TMEM108: variants seen among roughly 807,000 people sequenced by gnomAD.
TMEM108 encodes transmembrane protein 108.
In TMEM108, 12 loss-of-function variants were observed where a neutral mutation model predicts 35.1. The observed-to-expected ratio is 0.34, with a 90% CI of 0.22 to 0.55. The LOEUF is 0.55. TMEM108 is among the 20% of genes least tolerant of loss of function. TMEM108 has a pLI of 0.89. For missense variants in TMEM108, 680 were observed against 753.3 expected (o/e 0.90, Z 1.14); for synonymous variants, 287 against 308.6 (o/e 0.93, Z 0.73).
At chr3:133,073,460 T>A (rs549947975) in intron 2 of TMEM108, among the ~76,000 whole-genome samples, 1 of 147,208 alleles carries the variant, frequency 6.8e-6, no homozygotes, top group African/African-American at 2.5e-5. Flanking sequence ...TCTTTTTTTT[T>A]TTTTAAGGCT....
chr3:133,262,405 G>C (rs549399182), intron 3 of TMEM108, among the ~76,000 whole-genome samples: 2 of 152,224 alleles, frequency 1.3e-5, no homozygotes, highest in South Asian at 4.1e-4. Context: ...TTGCCCTCTG[G>C]GCAGATTTTC....
At chr3:133,388,886 G>T in intron 4 of TMEM108, 1 of 985,858 alleles carries the variant, frequency 1.0e-6, no homozygotes, top group Non-Finnish European at 1.2e-6. Context: ...CCCTCAGGCT[G>T]CTGCGAACAG....
At chr3:133,383,930 C>T (rs922199346) in intron 4 of TMEM108, among the ~76,000 whole-genome samples, 12 of 152,190 alleles carry the variant, frequency 7.9e-5, no homozygotes, top group Admixed American at 6.5e-4. Flanking sequence ...GCTCCATGTC[C>T]TCAGTCATGG....
At chr3:133,133,826 C>T (rs143116507) in intron 2 of TMEM108, among the ~76,000 whole-genome samples, 2,487 of 151,562 alleles carry the variant, frequency 0.016, 64 homozygotes, top group African/African-American at 0.058. Context: ...TGCAGTGGCG[C>T]GATCTCGGCT....
chr3:133,185,057 T>A (rs1307318938), intron 2 of TMEM108, among the ~76,000 whole-genome samples: 1 of 152,230 alleles, frequency 6.6e-6, no homozygotes, highest in Non-Finnish European at 1.5e-5. Context: ...TTTCTGCTGA[T>A]CATTTTCCAT....
intron 2 of TMEM108, among the ~76,000 whole-genome samples, chr3:133,206,222 C>G (rs905502999): frequency 3.3e-5 from 5 of 152,214 alleles, no homozygotes; most frequent in African/African-American, 1.2e-4. Context: ...AGGTTCTTAG[C>G]TTCCTTGCAT....
At chr3:133,098,004 G>A (rs963050118) in intron 2 of TMEM108, among the ~76,000 whole-genome samples, 18 of 152,284 alleles carry the variant, frequency 1.2e-4, no homozygotes, top group African/African-American at 4.3e-4. Flanking sequence ...AATGAGAATT[G>A]CTCAGCCTGG....
At chr3:133,356,023 G>T (rs1333575839) in intron 3 of TMEM108, among the ~76,000 whole-genome samples, 1 of 152,024 alleles carries the variant, frequency 6.6e-6, no homozygotes, top group African/African-American at 2.4e-5. Flanking sequence ...TGGAAAACAG[G>T]AAATCAAACT....
At chr3:133,210,709 T>G (rs1171421788) in intron 2 of TMEM108, among the ~76,000 whole-genome samples, 1 of 152,252 alleles carries the variant, frequency 6.6e-6, no homozygotes, top group Non-Finnish European at 1.5e-5. Context: ...CGGAATATCA[T>G]GAACTTCACT....
At chr3:133,054,121 G>C (rs1485712987) in intron 2 of TMEM108, among the ~76,000 whole-genome samples, 1 of 152,174 alleles carries the variant, frequency 6.6e-6, no homozygotes, top group African/African-American at 2.4e-5. Flanking sequence ...TAGAACATGA[G>C]ACCTCAGTCT....
Position 133,051,288 on chromosome 3 carries a change from A to G in TMEM108, c.-47+5268A>G, listed in dbSNP as rs529457073. Among the ~76,000 whole-genome samples, 413 of 152,176 alleles carry G rather than the reference A, an allele frequency of 2.7e-3. 2 individuals carry two copies. Among genetic ancestry groups the G allele is most frequent in the African/African-American group, 9.7e-3 (401 of 41,538 alleles). ...AACAAATGATGTAGAACATCTTTTGATATGCATACTTGCCATCTGTATGTC... is the reference window on the plus strand; with the variant it reads ...AACAAATGATGTAGAACATCTTTTGGTATGCATACTTGCCATCTGTATGTC... On this transcript the variant is annotated intron_variant, in intron 2 of 5. Transcript: ENST00000321871.
intron 2 of TMEM108, among the ~76,000 whole-genome samples, chr3:133,156,406 C>G (rs141368335): frequency 6.6e-6 from 1 of 152,190 alleles, no homozygotes; most frequent in African/African-American, 2.4e-5. Context: ...ATGAATAGTA[C>G]AAATAACAAG....
chr3:133,060,336 A>G (rs565675624), intron 2 of TMEM108, among the ~76,000 whole-genome samples: 2 of 152,346 alleles, frequency 1.3e-5, no homozygotes, highest in South Asian at 4.1e-4. Flanking sequence ...GCCCAAGGTC[A>G]GTCAGTAGCT....
At chr3:133,354,938 G>A (rs185549614) in intron 3 of TMEM108, among the ~76,000 whole-genome samples, 41 of 151,018 alleles carry the variant, frequency 2.7e-4, no homozygotes, top group African/African-American at 9.2e-4. Flanking sequence ...TAAAATGATC[G>A]TCACTTCATA....
chr3:133,245,473 A>G (rs1946372636), intron 3 of TMEM108, among the ~76,000 whole-genome samples: 1 of 152,132 alleles, frequency 6.6e-6, no homozygotes, highest in Non-Finnish European at 1.5e-5. Flanking sequence ...AGTTCCCCTC[A>G]CCACTCAGCA....
intron 2 of TMEM108, among the ~76,000 whole-genome samples, chr3:133,070,595 A>G (rs1002091164): frequency 1.3e-5 from 2 of 152,308 alleles, no homozygotes; most frequent in African/African-American, 4.8e-5. Context: ...AGAGAGCATG[A>G]TTTAAATCTC....
chr3:133,326,037 A>T (rs1056930796), intron 3 of TMEM108, among the ~76,000 whole-genome samples: 7 of 152,200 alleles, frequency 4.6e-5, no homozygotes, highest in African/African-American at 1.4e-4. Flanking sequence ...TAGCTGGGTG[A>T]TGGGTTCATG....
chr3:133,064,514 C>A (rs1263067578), intron 2 of TMEM108, among the ~76,000 whole-genome samples: 2 of 152,010 alleles, frequency 1.3e-5, no homozygotes, highest in East Asian at 3.9e-4. Context: ...ATTTCTAATT[C>A]CCCTTTCTGG....
In TMEM108 at chr3:133,378,803, CTTT is replaced by C. The variant is rs34139600; in HGVS notation, c.41-932_41-930del. On this transcript the variant is annotated intron_variant, in intron 3 of 5. Coordinates refer to ENST00000321871, the MANE Select transcript of TMEM108 (RefSeq NM_023943.4). ...TGCACATTGGCTATCATACAAAATC[CTTT>C]TTTTTTTTTTTTTTTTAATGTTCAA... Among the ~76,000 whole-genome samples, 161 of 134,396 alleles carry C rather than the reference CTTT, an allele frequency of 1.2e-3. 3 individuals carry two copies. Among genetic ancestry groups the C allele is most frequent in the Middle Eastern group, 3.8e-3 (1 of 264 alleles). The allele number at this position is 134,396 out of a possible 152,430, so 88.2% of individuals were successfully genotyped here.
Sources: gnomAD v4.1 joint callset for allele counts (sites outside exome capture counted in the v4.1 genomes callset) on GRCh38, gnomAD v4.1.1 for gene constraint, MANE v1.5 for transcripts, NCBI Gene and HGNC (gene_info 2026-07-23, HGNC 2026-07-21) for gene names.